Variants in ARHGEF11 observed in about 807,000 individuals in gnomAD.
ARHGEF11 encodes Rho guanine nucleotide exchange factor 11, also known as Rho guanine exchange factor (GEF) 11.
Under a neutral mutation model 193.7 loss-of-function variants are expected in ARHGEF11, and 55 were observed. The observed-to-expected ratio is 0.28, with a 90% CI of 0.23 to 0.36. ARHGEF11 has a LOEUF of 0.36. Among genes scored for constraint, ARHGEF11 ranks in the 10% least tolerant of loss-of-function variants. The probability of loss-of-function intolerance (pLI) is 1.00; values close to 1 mark genes in which losing one functional copy is unlikely to be tolerated. For synonymous variants in ARHGEF11, 693 were observed against 768.0 expected (o/e 0.90, Z 1.62); for missense variants, 1,723 against 2,005.6 (o/e 0.86, Z 2.69).
intron 1 of ARHGEF11, 38 bp from the exon 2 acceptor site, chr1:156,986,211 G>T: frequency 6.4e-7 from 1 of 1,553,306 alleles, no homozygotes; most frequent in Non-Finnish European, 8.9e-7. Flanking sequence ...AATGAGCTCA[G>T]CAGGGGGGAT....
At chr1:156,972,922 C>T (rs991600037) in intron 7 of ARHGEF11, among the ~76,000 whole-genome samples, 1 of 152,184 alleles carries the variant, frequency 6.6e-6, no homozygotes, top group Non-Finnish European at 1.5e-5. Context: ...CTCCATCCTA[C>T]AAAATGTTCG....
chr1:156,963,104 G>C, intron 13 of ARHGEF11, 99 bp downstream of exon 13: 1 of 906,192 alleles, frequency 1.1e-6, no homozygotes, highest in Non-Finnish European at 1.8e-6. Context: ...TGTGCCCATG[G>C]ATCTGACTTG....
intron 10 of ARHGEF11, 85 bp from the exon 11 acceptor site, chr1:156,968,209 C>G: frequency 6.8e-7 from 1 of 1,468,952 alleles, no homozygotes; most frequent in Non-Finnish European, 9.2e-7. Flanking sequence ...TGGTGATAAC[C>G]ATACTTATAA....
intron 18 of ARHGEF11, 71 bp from the exon 19 acceptor site, chr1:156,956,635 C>T (rs550478195): frequency 1.7e-5 from 27 of 1,595,726 alleles, no homozygotes; most frequent in Non-Finnish European, 2.3e-5. Flanking sequence ...AATCTCTTCA[C>T]CACCACGCAG....
chr1:157,040,995 A>G (rs544761951), intron 1 of ARHGEF11, among the ~76,000 whole-genome samples: 1 of 152,328 alleles, frequency 6.6e-6, no homozygotes, highest in South Asian at 2.1e-4. Flanking sequence ...TGACTTCCCC[A>G]AGGTCACATA....
At position 156,954,940 on chromosome 1, in the gene ARHGEF11, A is replaced by G. The variant is rs751772709; in HGVS notation, c.1769-19T>C. 8 of 1,598,672 alleles carry G rather than the reference A, an allele frequency of 5.0e-6. No individual in the cohort carries two copies. Among genetic ancestry groups the G allele is most frequent in the Non-Finnish European group, 6.0e-6 (7 of 1,172,924 alleles). ...TGAAATGCTAAAAGAAAAACAAACA[A>G]AAACAAAAGTAAACCATGAAAAGTC... On this transcript the variant is annotated intron_variant, in intron 20 of 40. Transcript: ENST00000368194.
chr1:156,994,025 G>A (rs1666131359), intron 1 of ARHGEF11, among the ~76,000 whole-genome samples: 1 of 152,198 alleles, frequency 6.6e-6, no homozygotes. Context: ...AGCAGCCCAA[G>A]CCATTCCTTA....
At chr1:156,969,965 T>C (rs770714874) in intron 9 of ARHGEF11, 33 bp downstream of exon 9, 8 of 1,610,882 alleles carry the variant, frequency 5.0e-6, no homozygotes, top group African/African-American at 1.3e-5. Flanking sequence ...ACTAGAGATA[T>C]GCCAGAGAAA....
chr1:156,984,526 C>T (rs1664654114), intron 2 of ARHGEF11, 89 bp from the exon 3 acceptor site: 2 of 850,416 alleles, frequency 2.4e-6, no homozygotes, highest in South Asian at 3.3e-5. Flanking sequence ...GCCCCAGTGC[C>T]TTTCTTCTTC....
At chr1:156,957,958 G>A in intron 17 of ARHGEF11, 143 bp from the exon 18 acceptor site, 1 of 741,410 alleles carries the variant, frequency 1.3e-6, no homozygotes, top group Non-Finnish European at 2.4e-6. Context: ...TGATGCACAA[G>A]TATTTGGTAC....
intron 1 of ARHGEF11, among the ~76,000 whole-genome samples, chr1:156,995,704 GTT>G (rs386368407): frequency 1.1e-4 from 14 of 127,136 alleles, no homozygotes; most frequent in African/African-American, 1.2e-4. Context: ...TGCCCAGCTT[GTT>G]TTTTTTTTTT....
chr1:157,033,298 T>C (rs1671520530), intron 1 of ARHGEF11, among the ~76,000 whole-genome samples: 1 of 151,986 alleles, frequency 6.6e-6, no homozygotes, highest in Admixed American at 6.6e-5. Context: ...AAGAGAAGGG[T>C]AAGGGTATCA....
At chr1:157,012,627 T>G (rs1668674527) in intron 1 of ARHGEF11, among the ~76,000 whole-genome samples, 1 of 152,258 alleles carries the variant, frequency 6.6e-6, no homozygotes, top group African/African-American at 2.4e-5. Flanking sequence ...CTTTCCTTAC[T>G]GTCTACTCTG....
intron 1 of ARHGEF11, among the ~76,000 whole-genome samples, chr1:156,989,872 T>C (rs1041662801): frequency 1.3e-5 from 2 of 152,262 alleles, no homozygotes; most frequent in African/African-American, 2.4e-5. Context: ...TCTATGTTTA[T>C]ACATTTTTTC....
intron 1 of ARHGEF11, among the ~76,000 whole-genome samples, chr1:156,996,455 G>T (rs966702092): frequency 7.9e-5 from 12 of 152,038 alleles, no homozygotes; most frequent in Admixed American, 7.9e-4. Flanking sequence ...AGGACACAGG[G>T]ACTCTGGGGA....
At chr1:157,002,205 A>T (rs1667302000) in intron 1 of ARHGEF11, among the ~76,000 whole-genome samples, 1 of 152,208 alleles carries the variant, frequency 6.6e-6, no homozygotes, top group Non-Finnish European at 1.5e-5. Flanking sequence ...ACCACCTCGA[A>T]CAGGGCAATA....
chr1:157,014,646 G>C (rs1240094653), intron 1 of ARHGEF11, among the ~76,000 whole-genome samples: 1 of 152,094 alleles, frequency 6.6e-6, no homozygotes, highest in Non-Finnish European at 1.5e-5. Flanking sequence ...ACTGTCTCCA[G>C]TTTCTCACCT....
At position 156,944,016 on chromosome 1, in the gene ARHGEF11, C is replaced by A; in HGVS notation, c.3154G>T (p.Ala1052Ser). 6.2e-7 allele frequency: 1 copy of A among 1,614,194 alleles called. No individual in the cohort carries two copies. Among genetic ancestry groups the A allele is most frequent in the Non-Finnish European group, 8.5e-7 (1 of 1,180,016 alleles). The change falls in exon 32 of 41, where the codon GCT (alanine) becomes TCT (serine). Residue 1052 changes from alanine to serine, a missense_variant. By Grantham distance (99) the Ala-to-Ser change is moderately conservative. This residue lies in a region of ARHGEF11 where 491 missense variants were observed against 654.5 expected (regional missense o/e 0.75). Transcript: ENST00000368194. ...KLLLKCHSKTAVGSSDSKQTF... is the reference protein window; with the variant it reads ...KLLLKCHSKTSVGSSDSKQTF... ...TGCTTGCTGTCTGAGGAGCCCACAG[C>A]AGTCTTGCTGTGGCACTTCAGCAAT...
chr1:156,953,052 A>C (rs2102016987), intron 21 of ARHGEF11, among the ~76,000 whole-genome samples: 1 of 152,380 alleles, frequency 6.6e-6, no homozygotes, highest in Admixed American at 6.5e-5. Context: ...GTTATACCTT[A>C]GCTGTGGCAA....
Sources: gnomAD v4.1 joint callset for allele counts (sites outside exome capture counted in the v4.1 genomes callset) on GRCh38, gnomAD v4.1.1 for gene constraint, gnomAD v4.1.1 regional missense constraint, MANE v1.5 for transcripts, NCBI Gene and HGNC (gene_info 2026-07-23, HGNC 2026-07-21) for gene names.